The following ZMAT4 variants were observed in gnomAD, a reference collection of about 807,000 sequenced individuals.
The protein encoded by ZMAT4 is zinc finger matrin-type 4.
In ZMAT4, 17 loss-of-function variants were observed where a neutral mutation model predicts 28.7. The observed-to-expected ratio is 0.59, with a 90% CI of 0.41 to 0.89. ZMAT4 has a LOEUF of 0.89. Ranked by LOEUF, ZMAT4 falls within the 40% of genes least tolerant of loss-of-function variation. The pLI is 0.00. For missense variants in ZMAT4, 240 were observed against 283.8 expected (o/e 0.85, Z 1.11); for synonymous variants, 117 against 109.2 (o/e 1.07, Z -0.44).
chr8:40,752,882 T>C (rs560454092), intron 3 of ZMAT4, among the ~76,000 whole-genome samples: 4 of 152,266 alleles, frequency 2.6e-5, no homozygotes, highest in African/African-American at 7.2e-5. Flanking sequence ...TCTTCTTCTT[T>C]TTTTTTAATT....
chr8:40,553,094 C>T (rs574659602), intron 6 of ZMAT4, among the ~76,000 whole-genome samples: 179 of 152,152 alleles, frequency 1.2e-3, no homozygotes, highest in African/African-American at 3.8e-3. Flanking sequence ...GAACTGTGTC[C>T]GCTCCTTATT....
At chr8:40,546,555 TG>T (rs1803210036) in intron 6 of ZMAT4, among the ~76,000 whole-genome samples, 1 of 152,204 alleles carries the variant, frequency 6.6e-6, no homozygotes, top group South Asian at 2.1e-4. Context: ...AGGCAAGTCC[TG>T]GTGGGAAGAA....
intron 6 of ZMAT4, among the ~76,000 whole-genome samples, chr8:40,565,917 C>T (rs1803909094): frequency 6.6e-6 from 1 of 151,988 alleles, no homozygotes. Context: ...CTGTGAAGGC[C>T]CCCAGCACTC....
At chr8:40,647,153 A>G (rs1240743463) in intron 5 of ZMAT4, among the ~76,000 whole-genome samples, 1 of 152,184 alleles carries the variant, frequency 6.6e-6, no homozygotes, top group African/African-American at 2.4e-5. Flanking sequence ...CTGCATTTCC[A>G]TCCGAGGTAC....
chr8:40,718,178 A>T (rs1434252327), intron 3 of ZMAT4, among the ~76,000 whole-genome samples: 1 of 152,232 alleles, frequency 6.6e-6, no homozygotes, highest in Non-Finnish European at 1.5e-5. Context: ...CTGTTAATTA[A>T]CCAACACAGC....
Position 40,697,347 on chromosome 8 carries a change from A to T in ZMAT4, c.247T>A (p.Ser83Thr), listed in dbSNP as rs1339307854. 6.2e-7 allele frequency: 1 copy of T among 1,613,836 alleles called. No homozygotes were observed. Among genetic ancestry groups the T allele is most frequent in the East Asian group, 2.2e-5 (1 of 44,840 alleles). The change falls in exon 4 of 7, where the codon TCA becomes ACA. Residue 83 changes from serine to threonine, a missense_variant. Ser to Thr is a moderately conservative substitution (Grantham distance 58, BLOSUM62 1). Coordinates refer to ENST00000297737, the MANE Select transcript of ZMAT4 (RefSeq NM_024645.3). ...TCGGCCACCACCGCTGAAGTGAATG[A>T]CATGTTGCAGAGTGTGCAGCACTTG... ...KNKCCTLCNM[S>T]FTSAVVADSH...
At chr8:40,810,535 A>G (rs1301341870) in intron 2 of ZMAT4, among the ~76,000 whole-genome samples, 1 of 152,242 alleles carries the variant, frequency 6.6e-6, no homozygotes, top group Admixed American at 6.5e-5. Flanking sequence ...AAGAAAATCA[A>G]AATGGATTTC....
chr8:40,843,070 C>T (rs1193520601), intron 1 of ZMAT4, among the ~76,000 whole-genome samples: 5 of 152,156 alleles, frequency 3.3e-5, no homozygotes, highest in Admixed American at 3.3e-4. Flanking sequence ...AGCCACTGTC[C>T]CCGGCCTAAA....
chr8:40,756,824 C>T (rs906880961), intron 3 of ZMAT4, among the ~76,000 whole-genome samples: 6 of 152,020 alleles, frequency 3.9e-5, no homozygotes, highest in African/African-American at 7.3e-5. Context: ...CCTCATTTTA[C>T]GTACGTTTCT....
intron 1 of ZMAT4, among the ~76,000 whole-genome samples, chr8:40,830,076 A>G (rs1816223930): frequency 6.6e-6 from 1 of 152,222 alleles, no homozygotes; most frequent in Non-Finnish European, 1.5e-5. Context: ...AGAGGCAGAT[A>G]TGAAACCTTC....
chr8:40,573,792 G>C (rs1461813440), intron 6 of ZMAT4, among the ~76,000 whole-genome samples: 2 of 152,114 alleles, frequency 1.3e-5, no homozygotes, highest in East Asian at 3.9e-4. Context: ...ACCCATATTT[G>C]TTGTGTTCTT....
At chr8:40,850,754 C>T (rs1221063725) in intron 1 of ZMAT4, among the ~76,000 whole-genome samples, 1 of 152,182 alleles carries the variant, frequency 6.6e-6, no homozygotes, top group Non-Finnish European at 1.5e-5. Flanking sequence ...TAAACCCTCA[C>T]CTTATGCCTC....
intron 6 of ZMAT4, among the ~76,000 whole-genome samples, chr8:40,547,111 A>G (rs556982160): frequency 1.3e-5 from 2 of 152,340 alleles, no homozygotes; most frequent in Admixed American, 1.3e-4. Flanking sequence ...ATAGAACTCC[A>G]ATTAGACATC....
At chr8:40,824,711 A>G (rs955797995) in intron 2 of ZMAT4, among the ~76,000 whole-genome samples, 27 of 146,836 alleles carry the variant, frequency 1.8e-4, no homozygotes, top group African/African-American at 6.4e-4. Context: ...AAGAAAAGAA[A>G]GAATGAAAGA....
intron 5 of ZMAT4, among the ~76,000 whole-genome samples, chr8:40,673,704 G>C (rs932888890): frequency 2.0e-5 from 3 of 152,148 alleles, no homozygotes; most frequent in Admixed American, 1.3e-4. Context: ...TGCTTAAATG[G>C]TTGCTGGTGA....
intron 5 of ZMAT4, among the ~76,000 whole-genome samples, chr8:40,601,454 A>AAGGAAGGAAGGAAGGG (rs1554525346): frequency 6.8e-5 from 6 of 88,648 alleles, no homozygotes; most frequent in African/African-American, 2.6e-4. Context: ...GGAAGGAAGG[A>AAGGAAGGAAGGAAGGG]AGGGAGGAAG....
intron 4 of ZMAT4, among the ~76,000 whole-genome samples, chr8:40,675,723 T>C (rs2150474357): frequency 6.6e-6 from 1 of 152,320 alleles, no homozygotes; most frequent in Admixed American, 6.5e-5. Context: ...TTTGGTGACA[T>C]GGGTTGCATT....
rs565614466 is a variant in ZMAT4 at position 40,651,311 on chromosome 8, T to G, written c.577+23393A>C. On this transcript the variant is annotated intron_variant, in intron 5 of 6. Transcript: ENST00000297737. ...GACAAACAGAGAGCCAAATCATGAG[T>G]GAACTCTCATTCACAATTGCTTTAA... Among the ~76,000 whole-genome samples the G allele has an allele frequency of 1.8e-3, 280 of 152,240 alleles. 1 individual carries two copies. The highest frequency in any genetic ancestry group is 6.2e-3 in the African/African-American group (259 of 41,530).
chr8:40,574,386 A>G (rs187256446), intron 6 of ZMAT4, among the ~76,000 whole-genome samples: 1 of 152,126 alleles, frequency 6.6e-6, no homozygotes, highest in Non-Finnish European at 1.5e-5. Context: ...TACTTTGACT[A>G]TATAAAACCA....
Sources: gnomAD v4.1 joint callset for allele counts (sites outside exome capture counted in the v4.1 genomes callset) on GRCh38, gnomAD v4.1.1 for gene constraint, MANE v1.5 for transcripts, NCBI Gene and HGNC (gene_info 2026-07-23, HGNC 2026-07-21) for gene names.